The following SNTG1 variants were observed in gnomAD, a reference collection of about 807,000 sequenced individuals.
SNTG1 encodes gamma-1-syntrophin.
Under a neutral mutation model 74.7 loss-of-function variants are expected in SNTG1, and 39 were observed. The ratio of observed to expected loss-of-function variants is 0.52; its 90% CI spans 0.40 to 0.68. SNTG1 has a LOEUF of 0.68. SNTG1 is among the 30% of genes least tolerant of loss of function. The pLI, the probability that SNTG1 is intolerant of heterozygous loss-of-function variation, is 0.00. For synonymous variants in SNTG1, 254 were observed against 217.1 expected (o/e 1.17, Z -1.49); for missense variants, 685 against 609.5 (o/e 1.12, Z -1.30).
intron 13 of SNTG1, among the ~76,000 whole-genome samples, chr8:50,641,600 A>G (rs2095073617): frequency 6.6e-6 from 1 of 152,184 alleles, no homozygotes; most frequent in Non-Finnish European, 1.5e-5. Context: ...CTCTTGAATC[A>G]AATCCAATAA....
At chr8:50,349,420 G>C (rs2091579171) in intron 2 of SNTG1, among the ~76,000 whole-genome samples, 1 of 151,942 alleles carries the variant, frequency 6.6e-6, no homozygotes, top group African/African-American at 2.4e-5. Context: ...TGCACAATGT[G>C]CAGGTTTGTT....
intron 2 of SNTG1, among the ~76,000 whole-genome samples, chr8:50,196,522 T>C (rs1255948461): frequency 1.3e-5 from 2 of 152,184 alleles, no homozygotes; most frequent in East Asian, 3.9e-4. Flanking sequence ...TCATTTGTTT[T>C]GGATTATTTG....
At chr8:50,055,275 G>GTTCCAT (rs1275596752) in intron 1 of SNTG1, among the ~76,000 whole-genome samples, 9 of 152,000 alleles carry the variant, frequency 5.9e-5, no homozygotes, top group Admixed American at 2.0e-4. Context: ...GTATTTATAT[G>GTTCCAT]TTCCATTTTC....
intron 1 of SNTG1, among the ~76,000 whole-genome samples, chr8:50,101,294 T>C (rs1195286612): frequency 6.6e-6 from 1 of 152,046 alleles, no homozygotes; most frequent in Non-Finnish European, 1.5e-5. Flanking sequence ...GAGTATATAG[T>C]CAGTAATAGG....
intron 2 of SNTG1, among the ~76,000 whole-genome samples, chr8:50,364,065 T>C (rs1270246372): frequency 6.6e-6 from 1 of 152,196 alleles, no homozygotes; most frequent in Admixed American, 6.5e-5. Context: ...ATCCCTTTGA[T>C]TAGGGATTTT....
rs539250525 is a variant in SNTG1 at position 50,685,994 on chromosome 8, C to T, written c.1039-18606C>T. Among the ~76,000 whole-genome samples the T allele has an allele frequency of 3.0e-4, 46 of 151,956 alleles. No individual in the cohort carries two copies. The East Asian group carries it at 3.3e-3, about 11-fold the overall frequency. ...TGGGTGCACGGGTACCAAACATGTA[C>T]GGGATTCAGTGTTAGTTAGATATGC... On this transcript the variant is annotated intron_variant, in intron 15 of 18. Coordinates refer to ENST00000642720, the MANE Select transcript of SNTG1 (RefSeq NM_018967.5).
At chr8:50,773,041 C>T (rs2095631280) in intron 18 of SNTG1, among the ~76,000 whole-genome samples, 1 of 152,042 alleles carries the variant, frequency 6.6e-6, no homozygotes. Flanking sequence ...CCAAATAAAC[C>T]TCTTTTTTCT....
At chr8:50,614,845 A>C (rs2094875422) in intron 13 of SNTG1, among the ~76,000 whole-genome samples, 1 of 152,140 alleles carries the variant, frequency 6.6e-6, no homozygotes, top group African/African-American at 2.4e-5. Context: ...CATATGTTAA[A>C]TATATCAAAA....
chr8:50,418,435 T>A (rs1238767990), intron 4 of SNTG1, among the ~76,000 whole-genome samples: 2 of 152,100 alleles, frequency 1.3e-5, no homozygotes, highest in Non-Finnish European at 2.9e-5. Context: ...TTTTCTTCAT[T>A]TCCATCTATA....
chr8:50,608,744 G>C lies in SNTG1; in HGVS notation c.849+17827G>C, dbSNP rs138028887. 5.4e-3 allele frequency among the ~76,000 whole-genome samples: 823 copies of C among 151,656 alleles called. 8 individuals are homozygous for C. The highest frequency in any genetic ancestry group is 0.019 in the African/African-American group (770 of 41,452). ...TGCTTAGATGTATGCCTGCAATTCTGCTATTTTTTCTAGATGTTTTATGTC... is the reference window on the plus strand; with the variant it reads ...TGCTTAGATGTATGCCTGCAATTCTCCTATTTTTTCTAGATGTTTTATGTC... On this transcript the variant is annotated intron_variant, in intron 13 of 18. Transcript: ENST00000642720.
intron 9 of SNTG1, among the ~76,000 whole-genome samples, chr8:50,523,144 T>C (rs891768883): frequency 6.6e-6 from 1 of 152,166 alleles, no homozygotes; most frequent in African/African-American, 2.4e-5. Context: ...TCTCAGCCTT[T>C]ATAGAATTGA....
intron 18 of SNTG1, among the ~76,000 whole-genome samples, chr8:50,780,959 G>C (rs28810230): frequency 0.2 from 30,980 of 151,832 alleles, 3,261 homozygotes; most frequent in South Asian, 0.33. Context: ...ATTTCATTAC[G>C]TACCGAGTAG....
chr8:50,539,307 T>G (rs1399102504), intron 11 of SNTG1, among the ~76,000 whole-genome samples: 2 of 152,130 alleles, frequency 1.3e-5, no homozygotes, highest in African/African-American at 4.8e-5. Flanking sequence ...GTTGTTGTTG[T>G]TGTTGTTCTT....
intron 1 of SNTG1, among the ~76,000 whole-genome samples, chr8:49,960,000 G>T (rs920731448): frequency 1.3e-5 from 2 of 152,176 alleles, no homozygotes; most frequent in Non-Finnish European, 2.9e-5. Context: ...GCTAATTAGC[G>T]TCAACAGTAT....
intron 12 of SNTG1, among the ~76,000 whole-genome samples, chr8:50,555,079 C>A (rs1321351689): frequency 1.3e-5 from 2 of 152,178 alleles, no homozygotes; most frequent in Non-Finnish European, 2.9e-5. Context: ...AACAACAAAA[C>A]AGTGAAGATG....
chr8:50,167,797 T>C (rs2082676839), intron 1 of SNTG1, among the ~76,000 whole-genome samples: 1 of 146,530 alleles, frequency 6.8e-6, no homozygotes, highest in African/African-American at 2.5e-5. Flanking sequence ...TGGGCAAGTT[T>C]GCAAGATTCT....
chr8:50,255,368 A>G (rs2086834549), intron 2 of SNTG1, among the ~76,000 whole-genome samples: 1 of 152,178 alleles, frequency 6.6e-6, no homozygotes, highest in African/African-American at 2.4e-5. Context: ...TCTAAAGGAT[A>G]TTATCACACT....
At chr8:49,915,043 C>T (rs1327919682) in intron 1 of SNTG1, 1 of 152,178 alleles carries the variant, frequency 6.6e-6, no homozygotes, top group African/African-American at 2.4e-5. Flanking sequence ...TGTTACACAT[C>T]ATGTTGTAGG....
At chr8:50,089,378 A>G (rs1236652625) in intron 1 of SNTG1, among the ~76,000 whole-genome samples, 3 of 150,414 alleles carry the variant, frequency 2.0e-5, no homozygotes, top group East Asian at 3.9e-4. Context: ...ACCAAAAGCA[A>G]TGGCAACAAA....
Sources: allele counts gnomAD v4.1 joint callset (sites outside exome capture counted in the v4.1 genomes callset), GRCh38; gene constraint gnomAD v4.1.1; transcripts MANE v1.5; gene names NCBI Gene and HGNC (gene_info 2026-07-23, HGNC 2026-07-21).